Variants in HECW2 observed in about 807,000 individuals in gnomAD.
HECW2 encodes HECT, C2 and WW domain containing E3 ubiquitin protein ligase 2, also known as E3 ubiquitin-protein ligase HECW2.
HECW2 carries 61 observed loss-of-function variants against 175.2 expected under a neutral mutation model. The observed-to-expected ratio is 0.35, with a 90% confidence interval of 0.28 to 0.43. The LOEUF is 0.43. HECW2 is among the 20% of genes least tolerant of loss of function. The probability of loss-of-function intolerance (pLI) is 1.00; values close to 1 mark genes in which losing one functional copy is unlikely to be tolerated. For synonymous variants in HECW2, 671 were observed against 731.0 expected (o/e 0.92, Z 1.32); for missense variants, 1,524 against 2,000.5 (o/e 0.76, Z 4.54).
intron 1 of HECW2, among the ~76,000 whole-genome samples, chr2:196,573,481 T>G (rs1057413380): frequency 6.6e-6 from 1 of 152,072 alleles, no homozygotes; most frequent in African/African-American, 2.4e-5. Flanking sequence ...AACAGCACTC[T>G]GGCAGAGTGC....
intron 1 of HECW2, among the ~76,000 whole-genome samples, chr2:196,501,550 C>T (rs2125402985): frequency 6.6e-6 from 1 of 152,134 alleles, no homozygotes; most frequent in South Asian, 2.1e-4. Flanking sequence ...CATGCCTGGC[C>T]AAGAATTTTT....
At chr2:196,306,685 C>A in intron 12 of HECW2, 73 bp from the exon 13 acceptor site, 2 of 1,424,314 alleles carry the variant, frequency 1.4e-6, no homozygotes, top group South Asian at 3.0e-5. Flanking sequence ...TCACTTCAGT[C>A]TGCATTTCAA....
At chr2:196,254,357 A>G (rs1347122994) in intron 18 of HECW2, among the ~76,000 whole-genome samples, 2 of 152,236 alleles carry the variant, frequency 1.3e-5, no homozygotes, top group Non-Finnish European at 2.9e-5. Context: ...CACAAAATAG[A>G]AAATGTTTAT....
intron 2 of HECW2, among the ~76,000 whole-genome samples, chr2:196,345,479 T>C (rs1009623785): frequency 1.3e-5 from 2 of 152,230 alleles, no homozygotes; most frequent in East Asian, 3.8e-4. Flanking sequence ...GTAATTTTCC[T>C]AATAAGAAAA....
At chr2:196,229,368 A>G (rs1053992385) in intron 21 of HECW2, among the ~76,000 whole-genome samples, 2 of 151,998 alleles carry the variant, frequency 1.3e-5, no homozygotes, top group African/African-American at 2.4e-5. Context: ...GGAGGAAAAA[A>G]CAGATCCTAG....
intron 14 of HECW2, among the ~76,000 whole-genome samples, chr2:196,279,943 A>AT (rs1362893298): frequency 1.3e-5 from 2 of 152,244 alleles, no homozygotes; most frequent in African/African-American, 4.8e-5. Flanking sequence ...TTACCTCAGC[A>AT]TTGCAGTAAG....
At chr2:196,328,911 A>G (rs969614600) in intron 5 of HECW2, among the ~76,000 whole-genome samples, 2 of 152,124 alleles carry the variant, frequency 1.3e-5, no homozygotes, top group Admixed American at 1.3e-4. Flanking sequence ...AAATATAGGG[A>G]TGTATATTAT....
At chr2:196,294,642 A>T (rs1690739620) in intron 13 of HECW2, among the ~76,000 whole-genome samples, 1 of 152,186 alleles carries the variant, frequency 6.6e-6, no homozygotes, top group East Asian at 1.9e-4. Context: ...TGTGTTCGTT[A>T]TTAGGGATCA....
chr2:196,259,176 G>A (rs1343953451), intron 17 of HECW2, among the ~76,000 whole-genome samples: 1 of 152,158 alleles, frequency 6.6e-6, no homozygotes, highest in Non-Finnish European at 1.5e-5. Flanking sequence ...GTTTTGCCAT[G>A]TTCGCCATGC....
rs140791004 is a variant in HECW2, at chr2:196,217,130, C to G, written c.4409-37G>C. The G allele has an allele frequency of 8.1e-5, 121 of 1,495,568 alleles. No homozygotes were observed. The East Asian group carries it at 2.8e-3, about 35-fold the overall frequency. The allele number at this position is 1,495,568 out of a possible 1,614,324, so 92.6% of individuals were successfully genotyped here. A position where few individuals can be genotyped will look rare whatever the true frequency, so the allele number is the denominator to read the frequency against. On this transcript the variant is annotated intron_variant, in intron 26 of 28. Transcript: ENST00000644978. ...ATCATAAAAGCCCATGTTACTTTGA[C>G]TCTTCTATATTAAGCCACCAAGATA...
intron 22 of HECW2, among the ~76,000 whole-genome samples, chr2:196,227,355 G>C (rs1475904846): frequency 2.2e-4 from 34 of 152,170 alleles, no homozygotes; most frequent in Admixed American, 2.2e-3. Flanking sequence ...TAAATGCAGA[G>C]ATTTAAAAAA....
chr2:196,495,579 T>C (rs981499676), intron 1 of HECW2, among the ~76,000 whole-genome samples: 4 of 152,080 alleles, frequency 2.6e-5, no homozygotes, highest in African/African-American at 9.7e-5. Flanking sequence ...GATTTAGACA[T>C]GCAGAGACAG....
intron 2 of HECW2, among the ~76,000 whole-genome samples, chr2:196,399,436 C>G (rs1291146042): frequency 6.6e-6 from 1 of 152,188 alleles, no homozygotes; most frequent in Non-Finnish European, 1.5e-5. Context: ...GCAGGAATAC[C>G]CTTGTGGAAC....
At chr2:196,557,516 A>G (rs557987878) in intron 1 of HECW2, among the ~76,000 whole-genome samples, 5 of 152,364 alleles carry the variant, frequency 3.3e-5, no homozygotes, top group Admixed American at 2.0e-4. Context: ...AATGTGCACA[A>G]AAGTGTATAC....
intron 2 of HECW2, among the ~76,000 whole-genome samples, chr2:196,347,915 C>T (rs981469786): frequency 6.6e-6 from 1 of 152,228 alleles, no homozygotes; most frequent in African/African-American, 2.4e-5. Flanking sequence ...GGCAGCAACC[C>T]TTAATTGCAA....
chr2:196,277,950 G>A (rs1387964189), intron 15 of HECW2, among the ~76,000 whole-genome samples: 2 of 121,552 alleles, frequency 1.6e-5, no homozygotes. Context: ...GACACAGGAA[G>A]GGGAACATCA....
In HECW2 at chr2:196,554,684, C is replaced by A. The variant is rs368693496; in HGVS notation, c.-36+38824G>T. ...GAACTGTCCCTTTCTCTCAGTAAGTCTTTTCTTATTCCAATTCCACTTTAA... is the reference window on the plus strand; with the variant it reads ...GAACTGTCCCTTTCTCTCAGTAAGTATTTTCTTATTCCAATTCCACTTTAA... On this transcript the variant is annotated intron_variant, in intron 1 of 28. Coordinates refer to ENST00000644978, the MANE Select transcript of HECW2 (RefSeq NM_001348768.2). 7.2e-5 allele frequency among the ~76,000 whole-genome samples: 11 copies of A among 152,294 alleles called. No individual in the cohort carries two copies. The South Asian group carries it at 8.3e-4, about 11-fold the overall frequency.
intron 28 of HECW2, among the ~76,000 whole-genome samples, chr2:196,211,532 A>C (rs1356442844): frequency 1.3e-5 from 2 of 152,186 alleles, no homozygotes; most frequent in African/African-American, 4.8e-5. Flanking sequence ...AGGAAAAAAG[A>C]GCCATGGATT....
rs567174975 is a variant in HECW2 at position 196,566,627 on chromosome 2, G to C, written c.-36+26881C>G. 1.3e-4 allele frequency among the ~76,000 whole-genome samples: 20 copies of C among 150,032 alleles called. No individual in the cohort carries two copies. In the South Asian group the frequency reaches 3.8e-3, roughly 28 times the overall value. ...GCTCACTGCAACCTCTGCCTCCCCA[G>C]GGTCAAGTGATTCTCCTGCCTCAGC... On this transcript the variant is annotated intron_variant, in intron 1 of 28. Transcript: ENST00000644978.
Sources: allele counts gnomAD v4.1 joint callset (sites outside exome capture counted in the v4.1 genomes callset), GRCh38; gene constraint gnomAD v4.1.1; transcripts MANE v1.5; gene names NCBI Gene and HGNC (gene_info 2026-07-23, HGNC 2026-07-21).